The following PACS1 variants were observed in gnomAD, a reference collection of about 807,000 sequenced individuals.
PACS1 encodes the protein phosphofurin acidic cluster sorting protein 1.
A neutral mutation model predicts 115.0 loss-of-function variants in PACS1; 24 were observed. The ratio of observed to expected loss-of-function variants is 0.21; its 90% confidence interval spans 0.15 to 0.29. The LOEUF is 0.29. Ranked by LOEUF, PACS1 falls within the 10% of genes least tolerant of loss-of-function variation. The probability of loss-of-function intolerance (pLI) is 1.00; values close to 1 mark genes in which losing one functional copy is unlikely to be tolerated. For missense variants in PACS1, 838 were observed against 1,251.2 expected, an observed-to-expected ratio of 0.67 and a Z score of 4.98; for synonymous variants, 453 against 504.5, an observed-to-expected ratio of 0.90 and a Z score of 1.37.
chr11:66,127,690 A>T (rs924787447), intron 1 of PACS1, among the ~76,000 whole-genome samples: 1 of 152,182 alleles, frequency 6.6e-6, no homozygotes, highest in African/African-American at 2.4e-5. Flanking sequence ...TTGTAGGAAC[A>T]CTGTAGGCCA....
At chr11:66,126,333 C>T (rs1858570653) in intron 1 of PACS1, among the ~76,000 whole-genome samples, 1 of 152,158 alleles carries the variant, frequency 6.6e-6, no homozygotes, top group South Asian at 2.1e-4. Context: ...TTCTGAAACA[C>T]GCTTGTGTTA....
intron 1 of PACS1, among the ~76,000 whole-genome samples, chr11:66,079,854 G>A (rs1015415430): frequency 1.3e-5 from 2 of 152,104 alleles, no homozygotes; most frequent in African/African-American, 2.4e-5. Flanking sequence ...TCACCTTTGC[G>A]TTCTCCCCTT....
At chr11:66,145,001 T>TA (rs746743192) in intron 1 of PACS1, among the ~76,000 whole-genome samples, 6 of 152,172 alleles carry the variant, frequency 3.9e-5, no homozygotes, top group Non-Finnish European at 7.3e-5. Context: ...GATGAGGTGA[T>TA]ACGTTTGAAG....
chr11:66,169,693 G>T (rs1013267911), intron 1 of PACS1, among the ~76,000 whole-genome samples: 1 of 149,272 alleles, frequency 6.7e-6, no homozygotes, highest in African/African-American at 2.6e-5. Flanking sequence ...GGGATTACAG[G>T]TGTGAGTCAC....
At chr11:66,118,769 C>CAAAAAAAA (rs397945291) in intron 1 of PACS1, among the ~76,000 whole-genome samples, 61 of 83,568 alleles carry the variant, frequency 7.3e-4, no homozygotes, top group South Asian at 1.9e-3. Flanking sequence ...CCCATGTCTA[C>CAAAAAAAA]AAAAAAAAAA....
intron 4 of PACS1, among the ~76,000 whole-genome samples, chr11:66,215,899 C>CAAAAAA (rs1162126580): frequency 8.6e-5 from 10 of 116,926 alleles, no homozygotes; most frequent in African/African-American, 3.3e-4. Context: ...GACTCCGTCT[C>CAAAAAA]AAAAATAATA....
chr11:66,210,708 T>G (rs1384587694), intron 3 of PACS1, among the ~76,000 whole-genome samples: 3 of 152,170 alleles, frequency 2.0e-5, no homozygotes, highest in African/African-American at 4.8e-5. Flanking sequence ...CTGTTAGCCA[T>G]CTGCTGCACC....
intron 1 of PACS1, among the ~76,000 whole-genome samples, chr11:66,095,136 T>C (rs1385823481): frequency 6.7e-6 from 1 of 149,820 alleles, no homozygotes; most frequent in African/African-American, 2.5e-5. Context: ...AAAACTGGCA[T>C]AAGACAGGGA....
At chr11:66,090,266 CCTTT>C (rs2134511626) in intron 1 of PACS1, among the ~76,000 whole-genome samples, 1 of 143,988 alleles carries the variant, frequency 6.9e-6, no homozygotes, top group East Asian at 2.0e-4. Flanking sequence ...TCTCTTCTTT[CCTTT>C]CTTTTTTTTT....
chr11:66,079,869 C>T (rs1029955214), intron 1 of PACS1, among the ~76,000 whole-genome samples: 1 of 152,196 alleles, frequency 6.6e-6, no homozygotes, highest in African/African-American at 2.4e-5. Flanking sequence ...CCCCTTGTTC[C>T]TGCGGTGGGT....
chr11:66,092,754 T>C (rs1857690326), intron 1 of PACS1, among the ~76,000 whole-genome samples: 1 of 152,170 alleles, frequency 6.6e-6, no homozygotes. Flanking sequence ...TAGCCAGTTT[T>C]CCCAGCACCA....
At chr11:66,241,303 G>C (rs758404234) in intron 21 of PACS1, 124 bp from the exon 22 acceptor site, 2 of 660,688 alleles carry the variant, frequency 3.0e-6, no homozygotes, top group Non-Finnish European at 5.2e-6. Context: ...TGGCTGGAGG[G>C]AACAGAGCTG....
At position 66,211,174 on chromosome 11, in the gene PACS1, T is replaced by A; in HGVS notation, c.575T>A (p.Ile192Asn). The change falls in exon 4 of 24, where the codon ATC becomes AAC. Residue 192 changes from isoleucine (I) to asparagine (N), a missense_variant. Physicochemically the swap from Ile to Asn is moderately radical, Grantham distance 149. Around this residue, in one of 6 missense-constraint regions of PACS1, gnomAD observed 223 missense variants for 354.0 expected, o/e 0.63. Coordinates refer to ENST00000320580, the MANE Select transcript of PACS1 (RefSeq NM_018026.4). ...FLKRDANKLQ[I>N]MLQRRKRYKN... ...AAGCGAGATGCCAACAAGCTGCAGA[T>A]CATGCTGCAAAGGAGAAAACGTTAC... The A allele has an allele frequency of 1.2e-6, 2 of 1,613,820 alleles. No homozygotes were observed. Among genetic ancestry groups the A allele is most frequent in the Non-Finnish European group, 1.7e-6 (2 of 1,179,760 alleles).
At chr11:66,116,756 GGT>G (rs1254663461) in intron 1 of PACS1, among the ~76,000 whole-genome samples, 3 of 151,978 alleles carry the variant, frequency 2.0e-5, no homozygotes, top group Non-Finnish European at 2.9e-5. Context: ...CAGGCGTGGT[GGT>G]GTGTGTCTGT....
Position 66,233,792 on chromosome 11 carries a change from T to C in PACS1, c.1846T>C (p.Cys616Arg). 3 of 1,613,688 alleles carry C rather than the reference T, an allele frequency of 1.9e-6. No homozygotes were observed. The highest frequency in any genetic ancestry group is 2.5e-6 in the Non-Finnish European group (3 of 1,179,800). Residue 616 changes from cysteine to arginine, a missense_variant, in exon 16 of 24, where the codon TGC becomes CGC. By Grantham distance (180) the Cys-to-Arg change is radical. Around this residue, in one of 6 missense-constraint regions of PACS1, gnomAD observed 383 missense variants for 537.0 expected, o/e 0.71. Coordinates refer to ENST00000320580, the MANE Select transcript of PACS1 (RefSeq NM_018026.4). This position sits in a 1 kb window ranked among gnomAD's most constrained non-coding sequence, Gnocchi z 4.5. ...LLTRIQRYCN[C>R]NSSMPRPVKV... is the part of the protein sequence containing the mutation. ...GCTCCCCTTCCTCCCCAGCTGCAACTGCAACTCTTCCATGCCGAGGCCAGT... is the reference window on the plus strand; with the variant it reads ...GCTCCCCTTCCTCCCCAGCTGCAACCGCAACTCTTCCATGCCGAGGCCAGT...
intron 1 of PACS1, among the ~76,000 whole-genome samples, chr11:66,111,547 A>C (rs546973542): frequency 2.6e-5 from 4 of 152,316 alleles, no homozygotes; most frequent in African/African-American, 9.6e-5. Context: ...CACAACGCCA[A>C]ACCTGTTTTT....
At chr11:66,106,749 G>A (rs2134538930) in intron 1 of PACS1, among the ~76,000 whole-genome samples, 1 of 151,642 alleles carries the variant, frequency 6.6e-6, no homozygotes, top group South Asian at 2.1e-4. Context: ...GACAAAGCGA[G>A]ACCCTGTCTC....
chr11:66,159,985 G>T (rs1859450301), intron 1 of PACS1, among the ~76,000 whole-genome samples: 1 of 152,184 alleles, frequency 6.6e-6, no homozygotes, highest in Non-Finnish European at 1.5e-5. Flanking sequence ...TTAGTGTGGT[G>T]AAGCAGATTT....
chr11:66,090,499 A>G (rs1857642759), intron 1 of PACS1, among the ~76,000 whole-genome samples: 1 of 151,606 alleles, frequency 6.6e-6, no homozygotes, highest in Non-Finnish European at 1.5e-5. Context: ...GAACTCCTGG[A>G]CTCAAGTGAT....
Sources: gnomAD v4.1 joint callset for allele counts (sites outside exome capture counted in the v4.1 genomes callset) on GRCh38, gnomAD v4.1.1 for gene constraint, gnomAD v4.1.1 regional missense constraint, Gnocchi (gnomAD v3.1) non-coding constraint, MANE v1.5 for transcripts, NCBI Gene and HGNC (gene_info 2026-07-23, HGNC 2026-07-21) for gene names.